The following DNAJB9 variants were observed in gnomAD, a reference collection of about 807,000 sequenced individuals.
DNAJB9 encodes dnaJ homolog subfamily B member 9.
Under a neutral mutation model 19.2 loss-of-function variants are expected in DNAJB9, and 12 were observed. The observed-to-expected ratio is 0.62, with a 90% confidence interval of 0.40 to 1.01. The LOEUF (loss-of-function observed/expected upper bound fraction) is 1.01, where lower values mean the gene tolerates loss of function less well. Ranked by LOEUF, DNAJB9 falls within the 50% of genes least tolerant of loss-of-function variation. DNAJB9 has a pLI of 0.00. For missense variants in DNAJB9, 272 were observed against 261.1 expected, an observed-to-expected ratio of 1.04 and a Z score of -0.29; for synonymous variants, 83 against 84.0, an observed-to-expected ratio of 0.99 and a Z score of 0.07.
chr7:108,572,042 G>A, intron 2 of DNAJB9, 99 bp downstream of exon 2: 3 of 1,122,612 alleles, frequency 2.7e-6, no homozygotes, highest in Admixed American at 4.6e-5. Flanking sequence ...GGAGATGGGA[G>A]GTGGAGTGGG....
In DNAJB9 at chr7:108,571,691, A is replaced by G. The variant is rs749438075; in HGVS notation, c.-10-26A>G. 5.7e-6 allele frequency: 9 copies of G among 1,573,406 alleles called. No homozygotes were observed. In the Admixed American group the frequency reaches 1.4e-4, roughly 25 times the overall value. ...CGTTTTAAGATTAGCTCCATCCATA[A>G]CATTTTTTTTTCTTTTCTGTTTTAG... On this transcript the variant is annotated intron_variant, in intron 1 of 2. Coordinates refer to ENST00000249356, the MANE Select transcript of DNAJB9 (RefSeq NM_012328.3).
chr7:108,574,487 C>G lies in DNAJB9; in HGVS notation c.*1134C>G, dbSNP rs1187052377. ...TATAAGCTATGGGACATATGCTGAT[C>G]ACAGGCTATATTCATGAAGTTACTT... On this transcript the variant is annotated 3_prime_UTR_variant, in exon 3 of 3. Coordinates refer to ENST00000249356, the MANE Select transcript of DNAJB9 (RefSeq NM_012328.3). 6.6e-6 allele frequency: 1 copy of G among 152,166 alleles called. No homozygotes were observed. Among genetic ancestry groups the G allele is most frequent in the Admixed American group, 6.5e-5 (1 of 15,278 alleles). The allele number at this position is 152,166 out of a possible 1,614,324, so 9.4% of individuals were successfully genotyped here.
In DNAJB9 at chr7:108,573,522, C is replaced by A. The variant is rs1790653979; in HGVS notation, c.*169C>A. 4.6e-6 allele frequency: 2 copies of A among 438,004 alleles called. No individual in the cohort carries two copies. The allele number at this position is 438,004 out of a possible 1,614,324, so 27.1% of individuals were successfully genotyped here. On this transcript the variant is annotated 3_prime_UTR_variant, in exon 3 of 3. Transcript: ENST00000249356. Reference sequence around the variant, plus strand: ...TTTTTTTTTTGACAAATTCAACATTCAACGAGTAGACAAAATGCTAATTAT... The same window carrying A: ...TTTTTTTTTTGACAAATTCAACATTAAACGAGTAGACAAAATGCTAATTAT...
chr7:108,574,561 C>G lies in DNAJB9; in HGVS notation c.*1208C>G, dbSNP rs1790673640. The G allele has an allele frequency of 6.6e-6, 1 of 152,130 alleles. No homozygotes were observed. The highest frequency in any genetic ancestry group is 2.1e-4 in the South Asian group (1 of 4,828). The allele number at this position is 152,130 out of a possible 1,614,324, so 9.4% of individuals were successfully genotyped here. A position where few individuals can be genotyped will look rare whatever the true frequency, so the allele number is the denominator to read the frequency against. Reference sequence around the variant, plus strand: ...GATTTTGTTTGTCATTTGGTAATTTCTACTGCATTCTTACCATCCTTCTCT... The same window carrying G: ...GATTTTGTTTGTCATTTGGTAATTTGTACTGCATTCTTACCATCCTTCTCT... On this transcript the variant is annotated 3_prime_UTR_variant, in exon 3 of 3. Transcript: ENST00000249356.
rs550166034 is a variant in DNAJB9 at position 108,573,319 on chromosome 7, T to C, written c.638T>C (p.Met213Thr). ...ACTGTCACTCAACGAAGAGGAAATA[T>C]GGTTACTACATACACTGACTGTTCA... is the stretch of plus-strand genomic sequence containing the variant. ...CRTVTQRRGNMVTTYTDCSGQ is the reference protein window; with the variant it reads ...CRTVTQRRGNTVTTYTDCSGQ Residue 213 changes from methionine to threonine, a missense_variant, in exon 3 of 3, where the codon ATG becomes ACG. Coordinates refer to ENST00000249356, the MANE Select transcript of DNAJB9 (RefSeq NM_012328.3). The C allele has an allele frequency of 1.1e-5, 17 of 1,606,646 alleles. No individual in the cohort carries two copies. The highest frequency in any genetic ancestry group is 5.4e-5 in the African/African-American group (4 of 74,758).
At position 108,573,526 on chromosome 7, in the gene DNAJB9, G is replaced by A; in HGVS notation, c.*173G>A. ...TTTTTTGACAAATTCAACATTCAAC[G>A]AGTAGACAAAATGCTAATTATTTCC... is the stretch of plus-strand genomic sequence containing the variant. On this transcript the variant is annotated 3_prime_UTR_variant, in exon 3 of 3. Coordinates refer to ENST00000249356, the MANE Select transcript of DNAJB9 (RefSeq NM_012328.3). 2.3e-6 allele frequency: 1 copy of A among 432,958 alleles called. No homozygotes were observed. The highest frequency in any genetic ancestry group is 2.1e-5 in the African/African-American group (1 of 48,562). The allele number at this position is 432,958 out of a possible 1,614,324, so 26.8% of individuals were successfully genotyped here.
In DNAJB9 at chr7:108,573,576, A is replaced by G; in HGVS notation, c.*223A>G. 1 of 371,524 alleles carries G rather than the reference A, an allele frequency of 2.7e-6. No homozygotes were observed. The highest frequency in any genetic ancestry group is 4.7e-6 in the Non-Finnish European group (1 of 210,570). The allele number at this position is 371,524 out of a possible 1,614,324, so 23.0% of individuals were successfully genotyped here. On this transcript the variant is annotated 3_prime_UTR_variant, in exon 3 of 3. Coordinates refer to ENST00000249356, the MANE Select transcript of DNAJB9 (RefSeq NM_012328.3). The stretch of plus-strand genomic sequence containing the variant: ...CCTGATTAGGAAAGTTTCTTTAAAA[A>G]ACACGTAATTTTGCCTAGTGCTTTT...
chr7:108,572,798 CTAAAA>C (rs896703783), intron 2 of DNAJB9, 96 bp from the exon 3 acceptor site: 56 of 943,606 alleles, frequency 5.9e-5, no homozygotes, highest in Non-Finnish European at 7.8e-5. Flanking sequence ...AAATTCTTCC[CTAAAA>C]TAATAGTATT....
In DNAJB9 at chr7:108,573,648, A is replaced by G; in HGVS notation, c.*295A>G. 1 of 233,430 alleles carries G rather than the reference A, an allele frequency of 4.3e-6. No homozygotes were observed. The highest frequency in any genetic ancestry group is 8.2e-6 in the Non-Finnish European group (1 of 122,084). 14.5% of individuals were successfully genotyped at this position (233,430 alleles called of 1,614,324 possible). ...ACTAATATCACCAGTATTATTACCAAGAAAATATTGAGTTTACCTGATTAA... is the reference window on the plus strand; with the variant it reads ...ACTAATATCACCAGTATTATTACCAGGAAAATATTGAGTTTACCTGATTAA... On this transcript the variant is annotated 3_prime_UTR_variant, in exon 3 of 3. Transcript: ENST00000249356.
chr7:108,573,387 G>T lies in DNAJB9; in HGVS notation c.*34G>T. The T allele has an allele frequency of 2.1e-6, 3 of 1,430,114 alleles. No homozygotes were observed. Among genetic ancestry groups the T allele is most frequent in the South Asian group, 3.2e-5 (2 of 62,924 alleles). The allele number at this position is 1,430,114 out of a possible 1,614,324, so 88.6% of individuals were successfully genotyped here. A position where few individuals can be genotyped will look rare whatever the true frequency, so the allele number is the denominator to read the frequency against. On this transcript the variant is annotated 3_prime_UTR_variant, in exon 3 of 3. Coordinates refer to ENST00000249356, the MANE Select transcript of DNAJB9 (RefSeq NM_012328.3). ...CTATTCTCACTAAATCCAACTGGTT[G>T]ACTCTTCCTCATTATCTTTGATGCT... is the stretch of plus-strand genomic sequence containing the variant.
intron 1 of DNAJB9, among the ~76,000 whole-genome samples, chr7:108,571,373 C>G (rs556787452): frequency 2.0e-5 from 3 of 149,654 alleles, no homozygotes; most frequent in Non-Finnish European, 3.0e-5. Context: ...AAGTTGGGAT[C>G]TTATATTATT....
chr7:108,573,154 A>T lies in DNAJB9; in HGVS notation c.473A>T (p.Glu158Val). 1 of 1,614,026 alleles carries T rather than the reference A, an allele frequency of 6.2e-7. No individual in the cohort carries two copies. Among genetic ancestry groups the T allele is most frequent in the Non-Finnish European group, 8.5e-7 (1 of 1,179,922 alleles). The change falls in exon 3 of 3, where the codon GAA becomes GTA. Residue 158 changes from glutamate (E) to valine (V), a missense_variant. By Grantham distance (121) the Glu-to-Val change is moderately radical (BLOSUM62 -2). Coordinates refer to ENST00000249356, the MANE Select transcript of DNAJB9 (RefSeq NM_012328.3). ...GSSRQRHHFQ[E>V]FSFGGGLFDD... ...AGTAGACAAAGGCATCATTTCCAAG[A>T]ATTTTCTTTTGGAGGTGGATTATTT...
rs1032886250 is a variant in DNAJB9, at chr7:108,572,825, C to T, written c.218-74C>T. The T allele has an allele frequency of 4.0e-6, 5 of 1,252,420 alleles. No homozygotes were observed. In the African/African-American group the frequency reaches 7.6e-5, roughly 19 times the overall value. 77.6% of individuals were successfully genotyped at this position (1,252,420 alleles called of 1,614,324 possible). On this transcript the variant is annotated intron_variant, in intron 2 of 2. Coordinates refer to ENST00000249356, the MANE Select transcript of DNAJB9 (RefSeq NM_012328.3). ...AAAATAATAGTATTCAGTTCACTTGCTTGAAGAGATTTGAATATATGTAAT... is the reference window on the plus strand; with the variant it reads ...AAAATAATAGTATTCAGTTCACTTGTTTGAAGAGATTTGAATATATGTAAT...
At chr7:108,572,037 T>A (rs1266879284) in intron 2 of DNAJB9, 94 bp downstream of exon 2, 1 of 1,231,178 alleles carries the variant, frequency 8.1e-7, no homozygotes, top group African/African-American at 1.5e-5. Context: ...TTTGTGGAGA[T>A]GGGAGGTGGA....
Position 108,569,884 on chromosome 7 carries a change from CG to C in DNAJB9, c.-229del, listed in dbSNP as rs1790581403. 4.2e-6 allele frequency: 2 copies of C among 475,258 alleles called. No homozygotes were observed. Among genetic ancestry groups the C allele is most frequent in the South Asian group, 5.0e-5 (2 of 40,144 alleles). The allele number at this position is 475,258 out of a possible 1,614,324, so 29.4% of individuals were successfully genotyped here. On this transcript the variant is annotated 5_prime_UTR_variant, in exon 1 of 3. Coordinates refer to ENST00000249356, the MANE Select transcript of DNAJB9 (RefSeq NM_012328.3). ...TCGTGTAGGTCTTCTGAGGTGGTGG[CG>C]CCAGCGGCTACCTCCTGCCTGTGAG...
In DNAJB9 at chr7:108,569,955, G is replaced by C. The variant is rs967276585; in HGVS notation, c.-159G>C. ...TGGGCGCCGGCGGGGAAGGAGGAGC[G>C]CTAGGTCGGTGTACGACCGAGATTA... On this transcript the variant is annotated 5_prime_UTR_variant, in exon 1 of 3. Coordinates refer to ENST00000249356, the MANE Select transcript of DNAJB9 (RefSeq NM_012328.3). 7 of 334,278 alleles carry C rather than the reference G, an allele frequency of 2.1e-5. No homozygotes were observed. Among genetic ancestry groups the C allele is most frequent in the Middle Eastern group, 9.6e-4 (1 of 1,042 alleles). The allele number at this position is 334,278 out of a possible 1,614,324, so 20.7% of individuals were successfully genotyped here.
At chr7:108,570,772 G>A (rs1001508720) in intron 1 of DNAJB9, among the ~76,000 whole-genome samples, 2 of 152,102 alleles carry the variant, frequency 1.3e-5, no homozygotes, top group Non-Finnish European at 2.9e-5. Flanking sequence ...AGGAAGCCAG[G>A]CAATTTCCAC....
chr7:108,572,730 A>G lies in DNAJB9; in HGVS notation c.218-169A>G, dbSNP rs552773131. Among the ~76,000 whole-genome samples, 29 of 152,300 alleles carry G rather than the reference A, an allele frequency of 1.9e-4. 1 individual carries two copies. The East Asian group carries it at 3.9e-3, about 20-fold the overall frequency. Reference sequence around the variant, plus strand: ...AATAAGACAGTTTCTGCTTTATTTTATAATTTTGATTAACTTGATGCTTAT... The same window carrying G: ...AATAAGACAGTTTCTGCTTTATTTTGTAATTTTGATTAACTTGATGCTTAT... On this transcript the variant is annotated intron_variant, in intron 2 of 2. Coordinates refer to ENST00000249356, the MANE Select transcript of DNAJB9 (RefSeq NM_012328.3).
chr7:108,571,656 A>C (rs1295125002), intron 1 of DNAJB9, 61 bp from the exon 2 acceptor site: 3 of 1,427,850 alleles, frequency 2.1e-6, no homozygotes, highest in Non-Finnish European at 2.9e-6. Flanking sequence ...GATTTCTTTT[A>C]AAAGAAAAAC....
Sources: allele counts gnomAD v4.1 joint callset (sites outside exome capture counted in the v4.1 genomes callset), GRCh38; gene constraint gnomAD v4.1.1; transcripts MANE v1.5; gene names NCBI Gene and HGNC (gene_info 2026-07-23, HGNC 2026-07-21).